The following CDK14 variants were observed in gnomAD, a reference collection of about 807,000 sequenced individuals.
CDK14 encodes cyclin dependent kinase 14.
CDK14 carries 34 observed loss-of-function variants against 60.7 expected under a neutral mutation model. The observed-to-expected ratio is 0.56, with a 90% CI of 0.43 to 0.75. The LOEUF (loss-of-function observed/expected upper bound fraction) is 0.75, where lower values mean the gene tolerates loss of function less well. CDK14 is among the 30% of genes least tolerant of loss of function. The pLI is 0.00. For synonymous variants in CDK14, 197 were observed against 203.7 expected (o/e 0.97, Z 0.28); for missense variants, 482 against 564.1 (o/e 0.85, Z 1.47).
chr7:91,014,250 T>C (rs1360245355), intron 10 of CDK14, among the ~76,000 whole-genome samples: 1 of 152,136 alleles, frequency 6.6e-6, no homozygotes, highest in Non-Finnish European at 1.5e-5. Context: ...AAATTACACT[T>C]TTTTGTTTAT....
intron 10 of CDK14, among the ~76,000 whole-genome samples, chr7:91,012,137 C>T (rs1158646369): frequency 6.6e-6 from 1 of 152,062 alleles, no homozygotes; most frequent in Non-Finnish European, 1.5e-5. Flanking sequence ...CTTTGATGGG[C>T]AAGATTATCA....
At chr7:90,869,907 C>T (rs1349039810) in intron 6 of CDK14, among the ~76,000 whole-genome samples, 2 of 152,158 alleles carry the variant, frequency 1.3e-5, no homozygotes, top group Non-Finnish European at 2.9e-5. Flanking sequence ...CCAATGTTGC[C>T]AAAATGGGAA....
chr7:90,706,320 G>A (rs1473711510), intron 2 of CDK14, among the ~76,000 whole-genome samples: 1 of 152,102 alleles, frequency 6.6e-6, no homozygotes, highest in East Asian at 1.9e-4. Flanking sequence ...CATGCTTGTT[G>A]AGACTATTAT....
At chr7:90,874,781 G>A (rs2117261149) in intron 6 of CDK14, among the ~76,000 whole-genome samples, 1 of 151,576 alleles carries the variant, frequency 6.6e-6, no homozygotes, top group South Asian at 2.1e-4. Flanking sequence ...ATCCGCCTCG[G>A]CCTCCCAAAG....
intron 2 of CDK14, among the ~76,000 whole-genome samples, chr7:90,700,698 T>A (rs1318660091): frequency 6.6e-6 from 1 of 152,162 alleles, no homozygotes; most frequent in Non-Finnish European, 1.5e-5. Context: ...ACTTATTGAA[T>A]TCTCTGTGAC....
intron 14 of CDK14, among the ~76,000 whole-genome samples, chr7:91,151,046 A>T (rs1800814328): frequency 6.6e-6 from 1 of 152,308 alleles, no homozygotes; most frequent in Non-Finnish European, 1.5e-5. Context: ...TTTCTATTTA[A>T]TGCCTGCAGT....
chr7:90,909,110 G>A (rs1022526631), intron 7 of CDK14, among the ~76,000 whole-genome samples: 7 of 152,132 alleles, frequency 4.6e-5, no homozygotes, highest in Non-Finnish European at 8.8e-5. Flanking sequence ...AGTAGCATAA[G>A]TTCCCAAATG....
intron 10 of CDK14, among the ~76,000 whole-genome samples, chr7:91,045,217 A>G (rs1014042156): frequency 3.3e-5 from 5 of 152,198 alleles, no homozygotes; most frequent in African/African-American, 9.7e-5. Flanking sequence ...GAATGTTCCA[A>G]TGGAATGTGC....
At chr7:90,786,779 C>T (rs904148121) in intron 4 of CDK14, among the ~76,000 whole-genome samples, 17 of 150,610 alleles carry the variant, frequency 1.1e-4, no homozygotes, top group African/African-American at 2.9e-4. Flanking sequence ...ATTAGCCTGA[C>T]GTGATGGCAT....
At chr7:90,718,050 T>C (rs1202452662) in intron 2 of CDK14, among the ~76,000 whole-genome samples, 1 of 151,854 alleles carries the variant, frequency 6.6e-6, no homozygotes, top group Non-Finnish European at 1.5e-5. Context: ...CTAAAAATGA[T>C]GTAGTTGGTA....
At chr7:90,804,938 G>A (rs981110867) in intron 5 of CDK14, among the ~76,000 whole-genome samples, 4 of 151,884 alleles carry the variant, frequency 2.6e-5, no homozygotes, top group African/African-American at 7.3e-5. Flanking sequence ...TTTAAAAAAC[G>A]CTATCTTGTT....
intron 10 of CDK14, among the ~76,000 whole-genome samples, chr7:90,988,734 T>A (rs1182019636): frequency 6.6e-6 from 1 of 150,902 alleles, no homozygotes; most frequent in East Asian, 1.9e-4. Flanking sequence ...TGCTTCTGGG[T>A]CTCTGTGGCT....
At chr7:91,125,788 G>C (rs1320098490) in intron 14 of CDK14, among the ~76,000 whole-genome samples, 1 of 152,002 alleles carries the variant, frequency 6.6e-6, no homozygotes, top group African/African-American at 2.4e-5. Flanking sequence ...TCAATATTGG[G>C]GTGAATTTTT....
At chr7:90,659,838 TC>T (rs1177556626) in intron 2 of CDK14, among the ~76,000 whole-genome samples, 2 of 41,846 alleles carry the variant, frequency 4.8e-5, no homozygotes, top group Non-Finnish European at 7.5e-5. Flanking sequence ...AGGGAATGCT[TC>T]TCTCTCTCTC....
At chr7:90,868,707 T>C (rs1791272970) in intron 6 of CDK14, among the ~76,000 whole-genome samples, 1 of 152,168 alleles carries the variant, frequency 6.6e-6, no homozygotes, top group Non-Finnish European at 1.5e-5. Flanking sequence ...AGCACTCTTA[T>C]AGATGTTATT....
chr7:90,956,427 A>T (rs749819052), intron 9 of CDK14, among the ~76,000 whole-genome samples: 5 of 152,196 alleles, frequency 3.3e-5, no homozygotes, highest in Non-Finnish European at 5.9e-5. Context: ...ATGATAAACT[A>T]TGCTGAGTTC....
chr7:90,799,626 G>T (rs546995872), intron 5 of CDK14, among the ~76,000 whole-genome samples: 1 of 144,186 alleles, frequency 6.9e-6, no homozygotes, highest in Non-Finnish European at 1.5e-5. Context: ...GGAGGCAGAG[G>T]TTGTAGTGAG....
At chr7:90,693,014 G>C (rs2116590818) in intron 2 of CDK14, among the ~76,000 whole-genome samples, 1 of 152,152 alleles carries the variant, frequency 6.6e-6, no homozygotes, top group Middle Eastern at 3.4e-3. Flanking sequence ...ACTAGGAAAA[G>C]GTGCACAAAA....
intron 10 of CDK14, among the ~76,000 whole-genome samples, chr7:90,991,373 G>C (rs1212462568): frequency 6.6e-6 from 1 of 152,114 alleles, no homozygotes. Context: ...AAATGCAGTG[G>C]ACCACTGCCT....
Sources: gnomAD v4.1 joint callset for allele counts (sites outside exome capture counted in the v4.1 genomes callset) on GRCh38, gnomAD v4.1.1 for gene constraint, MANE v1.5 for transcripts, NCBI Gene and HGNC (gene_info 2026-07-23, HGNC 2026-07-21) for gene names.